Variants in INSL6 observed in about 807,000 individuals in gnomAD.
INSL6 encodes insulin like 6.
Under a neutral mutation model 9.4 loss-of-function variants are expected in INSL6, and 16 were observed. That is an observed-to-expected ratio of 1.70 (90% CI 1.15 to 2.59). The LOEUF (loss-of-function observed/expected upper bound fraction) is 2.59, where lower values mean the gene tolerates loss of function less well. Among genes scored for constraint, INSL6 ranks in the 30% most tolerant of loss-of-function variants. The pLI is 0.00. For missense variants in INSL6, 391 were observed against 257.3 expected, an observed-to-expected ratio of 1.52 and a Z score of -3.56; for synonymous variants, 154 against 96.9, an observed-to-expected ratio of 1.59 and a Z score of -3.46.
the INSL6 span, among the ~76,000 whole-genome samples, chr9:5,045,346 C>T: frequency 6.6e-6 from 1 of 152,054 alleles, no homozygotes; most frequent in South Asian, 2.1e-4. Context: ...AGTTTATGAA[C>T]AACAAAAGGA....
At chr9:5,032,551 C>T in the INSL6 span, among the ~76,000 whole-genome samples, 4 of 152,194 alleles carry the variant, frequency 2.6e-5, no homozygotes, top group Non-Finnish European at 5.9e-5. Flanking sequence ...GACAAAACTT[C>T]CAGAGGAACA....
the INSL6 span, chr9:5,065,079 T>C: frequency 7.5e-7 from 1 of 1,328,946 alleles, no homozygotes; most frequent in Non-Finnish European, 1.0e-6. Flanking sequence ...TTTAGAAAAG[T>C]AAATGCTGTA....
intron 2 of INSL6, among the ~76,000 whole-genome samples, chr9:5,158,559 C>T (rs1311828358): frequency 6.6e-6 from 1 of 151,952 alleles, no homozygotes; most frequent in African/African-American, 2.4e-5. Flanking sequence ...ACCTTACAGG[C>T]CAGGAGAGAG....
chr9:5,027,243 C>T, the INSL6 span, among the ~76,000 whole-genome samples: 3 of 152,138 alleles, frequency 2.0e-5, no homozygotes, highest in East Asian at 1.9e-4. Flanking sequence ...TCCAGACTAT[C>T]GCAGTGAAGC....
At chr9:5,052,338 C>G in the INSL6 span, among the ~76,000 whole-genome samples, 1 of 152,024 alleles carries the variant, frequency 6.6e-6, no homozygotes, top group Admixed American at 6.6e-5. Context: ...TATTTAGTAA[C>G]TATTTATCTG....
the INSL6 span, among the ~76,000 whole-genome samples, chr9:4,993,646 C>A: frequency 2.1e-4 from 32 of 152,306 alleles, no homozygotes; most frequent in African/African-American, 7.7e-4. Flanking sequence ...TGCTTGAAGT[C>A]CTCACTGACA....
the INSL6 span, among the ~76,000 whole-genome samples, chr9:5,015,878 G>A: frequency 6.6e-6 from 1 of 151,318 alleles, no homozygotes; most frequent in Non-Finnish European, 1.5e-5. Context: ...ACACGATTGT[G>A]TCATATTAAA....
chr9:5,150,064 A>C (rs1441209333), intron 2 of INSL6, among the ~76,000 whole-genome samples: 1 of 152,190 alleles, frequency 6.6e-6, no homozygotes, highest in Admixed American at 6.5e-5. Flanking sequence ...ATCAATCTGG[A>C]CTCATCTCTC....
chr9:5,041,131 G>T, the INSL6 span: 3 of 974,080 alleles, frequency 3.1e-6, no homozygotes, highest in Non-Finnish European at 4.8e-6. Flanking sequence ...CGGTGCTCCT[G>T]ATCGCCATCC....
the INSL6 span, among the ~76,000 whole-genome samples, chr9:5,054,353 T>TA: frequency 6.6e-6 from 1 of 152,004 alleles, no homozygotes; most frequent in African/African-American, 2.4e-5. The surrounding 1 kb of genome is among the most constrained non-coding windows in gnomAD (Gnocchi z 4.9). Flanking sequence ...GATGATAACT[T>TA]AGAGTGTGTG....
At chr9:5,028,355 C>T in the INSL6 span, among the ~76,000 whole-genome samples, 3 of 152,182 alleles carry the variant, frequency 2.0e-5, no homozygotes, top group South Asian at 2.1e-4. Context: ...CAGTAAACCA[C>T]GCTATATACA....
At chr9:5,007,884 CGCCTGGCTAATTTTTGT>C in the INSL6 span, among the ~76,000 whole-genome samples, 1 of 151,994 alleles carries the variant, frequency 6.6e-6, no homozygotes, top group South Asian at 2.1e-4. Context: ...CGTGCCACCA[CGCCTGGCTAATTTTTGT>C]GTTTTCACTG....
the INSL6 span, among the ~76,000 whole-genome samples, chr9:5,043,401 G>A: frequency 1.3e-5 from 2 of 152,060 alleles, no homozygotes. Flanking sequence ...ACCACGATGG[G>A]ATAATAATAG....
chr9:5,111,659 C>A, the INSL6 span: 1 of 403,360 alleles, frequency 2.5e-6, no homozygotes, highest in East Asian at 6.8e-5. Context: ...GTCCCTCCCG[C>A]CCAGCAGCGG....
the INSL6 span, chr9:5,041,535 T>G: frequency 5.6e-6 from 3 of 539,204 alleles, no homozygotes; most frequent in Non-Finnish European, 1.1e-5. Flanking sequence ...CGAAGTGCTC[T>G]GCGAGAACTT....
chr9:5,136,799 G>A (rs1055673532), intron 2 of INSL6, among the ~76,000 whole-genome samples: 2 of 151,996 alleles, frequency 1.3e-5, no homozygotes, highest in South Asian at 4.2e-4. Flanking sequence ...AGAAATAAAG[G>A]GTATTCAATT....
the INSL6 span, chr9:5,072,582 G>A: frequency 6.2e-7 from 1 of 1,610,040 alleles, no homozygotes; most frequent in Non-Finnish European, 8.5e-7. Context: ...TGAAACAGAA[G>A]TTCTTTTAAA....
the INSL6 span, among the ~76,000 whole-genome samples, chr9:4,998,260 T>G: frequency 1.3e-5 from 2 of 152,030 alleles, no homozygotes; most frequent in Non-Finnish European, 2.9e-5. Context: ...AACGGGTTTT[T>G]TTGTTGTTGT....
At chr9:5,031,687 G>GA in the INSL6 span, among the ~76,000 whole-genome samples, 1 of 152,114 alleles carries the variant, frequency 6.6e-6, no homozygotes, top group African/African-American at 2.4e-5. Context: ...CAAAACAATA[G>GA]AAAAAATCAT....
Sources: allele counts gnomAD v4.1 joint callset (sites outside exome capture counted in the v4.1 genomes callset), GRCh38; gene constraint gnomAD v4.1.1; non-coding constraint Gnocchi (gnomAD v3.1); transcripts MANE v1.5; gene names NCBI Gene and HGNC (gene_info 2026-07-23, HGNC 2026-07-21).